Variants in NLRP4 observed in about 807,000 individuals in gnomAD.
The protein encoded by NLRP4 is NLR family pyrin domain containing 4.
A neutral mutation model predicts 84.7 loss-of-function variants in NLRP4; 44 were observed. The ratio of observed to expected loss-of-function variants is 0.52; its 90% CI spans 0.41 to 0.67. NLRP4 has a LOEUF of 0.67. Ranked by LOEUF, NLRP4 falls within the 30% of genes least tolerant of loss-of-function variation. The pLI is 0.00. For synonymous variants in NLRP4, 544 were observed against 476.4 expected, an observed-to-expected ratio of 1.14 and a Z score of -1.85; for missense variants, 1,260 against 1,219.4, an observed-to-expected ratio of 1.03 and a Z score of -0.50.
intron 2 of NLRP4, among the ~76,000 whole-genome samples, chr19:55,854,655 C>T (rs1984340348): frequency 6.6e-6 from 1 of 152,020 alleles, no homozygotes; most frequent in South Asian, 2.1e-4. Context: ...CCATTTTTGG[C>T]GATGCTAGCC....
At chr19:55,878,110 C>T (rs114481040) in intron 8 of NLRP4, among the ~76,000 whole-genome samples, 3,458 of 152,246 alleles carry the variant, frequency 0.023, 130 homozygotes, top group African/African-American at 0.08. Context: ...AAAACCCCAT[C>T]TCCATAAAAA....
At chr19:55,849,734 G>A (rs988259217) in intron 1 of NLRP4, among the ~76,000 whole-genome samples, 2 of 152,116 alleles carry the variant, frequency 1.3e-5, no homozygotes, top group African/African-American at 2.4e-5. Flanking sequence ...TATTTACAGT[G>A]TAATTTCTAT....
In NLRP4 at chr19:55,857,905, C is replaced by T. The variant is rs780347825; in HGVS notation, c.512C>T (p.Ala171Val). The T allele has an allele frequency of 1.2e-6, 2 of 1,614,002 alleles. No homozygotes were observed. Among genetic ancestry groups the T allele is most frequent in the African/African-American group, 2.7e-5 (2 of 74,914 alleles). ...KTTLLMKLMM[A>V]WSDNKIFRDR... The stretch of plus-strand genomic sequence containing the variant: ...ACACTCCTGATGAAGCTGATGATGG[C>T]CTGGTCGGACAACAAGATCTTTCGG... Residue 171 changes from alanine (A) to valine (V), a missense_variant, in exon 3 of 10, where the codon GCC becomes GTC. Coordinates refer to ENST00000301295, the MANE Select transcript of NLRP4 (RefSeq NM_134444.5).
chr19:55,860,513 A>G lies in NLRP4; in HGVS notation c.1857-873A>G, dbSNP rs954219393. Reference sequence around the variant, plus strand: ...GGATTGCTTGCTTGAGCCCAGAAGTAAGAGACTGCGGTGAGCCATGATCGT... The same window carrying G: ...GGATTGCTTGCTTGAGCCCAGAAGTGAGAGACTGCGGTGAGCCATGATCGT... On this transcript the variant is annotated intron_variant, in intron 3 of 9. Coordinates refer to ENST00000301295, the MANE Select transcript of NLRP4 (RefSeq NM_134444.5). Among the ~76,000 whole-genome samples, 2 of 152,122 alleles carry G rather than the reference A, an allele frequency of 1.3e-5. 1 individual carries two copies. The highest frequency in any genetic ancestry group is 4.8e-5 in the African/African-American group (2 of 41,418).
At chr19:55,842,187 C>T (rs983910641) in intron 1 of NLRP4, among the ~76,000 whole-genome samples, 5 of 152,058 alleles carry the variant, frequency 3.3e-5, no homozygotes, top group East Asian at 1.9e-4. Context: ...TTCGTTTTTC[C>T]GTTCTTAGTT....
At chr19:55,875,530 T>G (rs1985336549) in intron 7 of NLRP4, among the ~76,000 whole-genome samples, 3 of 152,192 alleles carry the variant, frequency 2.0e-5, no homozygotes, top group Admixed American at 2.0e-4. Context: ...ATGATCAAAT[T>G]ATGGTATAAA....
In NLRP4 at chr19:55,871,399, C is replaced by T. The variant is rs188236503; in HGVS notation, c.2525+402C>T. On this transcript the variant is annotated intron_variant, in intron 7 of 9. Coordinates refer to ENST00000301295, the MANE Select transcript of NLRP4 (RefSeq NM_134444.5). ...TGAAGGTGGGAGATCCAAAAATACA[C>T]GTGAGAATTAATGTGTGTAACAGAG... Among the ~76,000 whole-genome samples, 308 of 152,072 alleles carry T rather than the reference C, an allele frequency of 2.0e-3. 2 individuals carry two copies. Among genetic ancestry groups the T allele is most frequent in the African/African-American group, 7.2e-3 (299 of 41,408 alleles).
rs770945632 is a variant in NLRP4, at chr19:55,858,176, G to A, written c.783G>A (p.Leu261=). 3 of 1,614,174 alleles carry A rather than the reference G, an allele frequency of 1.9e-6. No individual in the cohort carries two copies. In the Admixed American group the frequency reaches 5.0e-5, roughly 27 times the overall value. The change falls in exon 3 of 10, where the codon CTG becomes CTA. Residue 261 remains leucine (L), a synonymous_variant. Coordinates refer to ENST00000301295, the MANE Select transcript of NLRP4 (RefSeq NM_134444.5). This position sits in a 1 kb window ranked among gnomAD's most constrained non-coding sequence, Gnocchi z 4.2. ...AGAAACGGCCGGTGCAGGTGCTTCT[G>A]AGCAGTTTGCTGAGGAAGAAGATGC... ...LMEKRPVQVL[L]SSLLRKKMLP...
At chr19:55,846,126 G>T (rs1600220050) in intron 1 of NLRP4, among the ~76,000 whole-genome samples, 1 of 152,264 alleles carries the variant, frequency 6.6e-6, no homozygotes, top group South Asian at 2.1e-4. Context: ...TAATGCCTAG[G>T]TTTTCTTCTA....
chr19:55,853,913 T>TTCTTTC (rs563516121), intron 2 of NLRP4, among the ~76,000 whole-genome samples: 13 of 139,628 alleles, frequency 9.3e-5, no homozygotes, highest in African/African-American at 1.8e-4. Flanking sequence ...CTCTTTCTCT[T>TTCTTTC]TCTTTCTCTT....
At chr19:55,860,130 G>C (rs540906994) in intron 3 of NLRP4, among the ~76,000 whole-genome samples, 25 of 151,554 alleles carry the variant, frequency 1.6e-4, no homozygotes, top group South Asian at 8.3e-4. Flanking sequence ...GGACTAGAGG[G>C]GCCCGCCACC....
chr19:55,874,335 A>T (rs1294709793), intron 7 of NLRP4, among the ~76,000 whole-genome samples: 1 of 152,192 alleles, frequency 6.6e-6, no homozygotes, highest in African/African-American at 2.4e-5. Flanking sequence ...TCTAAGGTTC[A>T]CTATGTATTT....
At chr19:55,846,482 A>G (rs939434277) in intron 1 of NLRP4, among the ~76,000 whole-genome samples, 1 of 152,214 alleles carries the variant, frequency 6.6e-6, no homozygotes, top group South Asian at 2.1e-4. Context: ...GCAAAGCACC[A>G]GCAATGTTCT....
intron 1 of NLRP4, among the ~76,000 whole-genome samples, chr19:55,849,201 A>G (rs1226497903): frequency 2.6e-5 from 4 of 152,122 alleles, no homozygotes; most frequent in African/African-American, 9.7e-5. Context: ...AAGTTGTTAC[A>G]GTTTTAGCTA....
rs376780455 is a variant in NLRP4, at chr19:55,857,762, T to C, written c.369T>C (p.Phe123=). 6.2e-6 allele frequency: 10 copies of C among 1,613,870 alleles called. No homozygotes were observed. Among genetic ancestry groups the C allele is most frequent in the Admixed American group, 1.7e-5 (1 of 59,988 alleles). Reference sequence around the variant, plus strand: ...CTGTCACTGAGATTCACCTATACTTTGAGGAGGAAGTCAAGCAAGAAGAAT... The same window carrying C: ...CTGTCACTGAGATTCACCTATACTTCGAGGAGGAAGTCAAGCAAGAAGAAT... ...SKSVTEIHLY[F]EEEVKQEECD... The change falls in exon 3 of 10, where the codon TTT becomes TTC. Residue 123 remains phenylalanine (F), a synonymous_variant. Transcript: ENST00000301295.
chr19:55,860,233 C>T (rs1984695603), intron 3 of NLRP4, among the ~76,000 whole-genome samples: 1 of 152,112 alleles, frequency 6.6e-6, no homozygotes, highest in Admixed American at 6.5e-5. Context: ...GATCTGCCCA[C>T]CTCGGCCTCT....
rs758300413 is a variant in NLRP4, at chr19:55,877,208, A to C, written c.2696+42A>C. The C allele has an allele frequency of 2.6e-6, 4 of 1,563,062 alleles. No individual in the cohort carries two copies. The Admixed American group carries it at 6.8e-5, about 26-fold the overall frequency. The stretch of plus-strand genomic sequence containing the variant: ...TCCTGGTTATGTTTTCATGAGTGGC[A>C]AAGACGGAAAATGGATGGGAAGAAA... On this transcript the variant is annotated intron_variant, in intron 8 of 9. Transcript: ENST00000301295.
At chr19:55,853,213 T>G (rs1984239222) in intron 2 of NLRP4, among the ~76,000 whole-genome samples, 1 of 152,202 alleles carries the variant, frequency 6.6e-6, no homozygotes, top group Non-Finnish European at 1.5e-5. Context: ...TTGTTTTTCT[T>G]TGTTGTTGTT....
At chr19:55,866,628 T>C (rs1049990623) in intron 5 of NLRP4, among the ~76,000 whole-genome samples, 1 of 152,088 alleles carries the variant, frequency 6.6e-6, no homozygotes, top group Non-Finnish European at 1.5e-5. Flanking sequence ...GGGACTCGGG[T>C]TCAAGGCTTC....
Sources: gnomAD v4.1 joint callset for allele counts (sites outside exome capture counted in the v4.1 genomes callset) on GRCh38, gnomAD v4.1.1 for gene constraint, Gnocchi (gnomAD v3.1) non-coding constraint, MANE v1.5 for transcripts, NCBI Gene and HGNC (gene_info 2026-07-23, HGNC 2026-07-21) for gene names.